Variants in VAV2 observed in about 807,000 individuals in gnomAD.
VAV2 encodes guanine nucleotide exchange factor VAV2.
In VAV2, 67 loss-of-function variants were observed where a neutral mutation model predicts 132.5. The ratio of observed to expected loss-of-function variants is 0.51; its 90% CI spans 0.42 to 0.62. The LOEUF (loss-of-function observed/expected upper bound fraction) is 0.62, where lower values mean the gene tolerates loss of function less well. Among genes scored for constraint, VAV2 ranks in the 20% least tolerant of loss-of-function variants. The pLI is 0.00. For synonymous variants in VAV2, 492 were observed against 443.5 expected (o/e 1.11, Z -1.37); for missense variants, 938 against 1,153.6 (o/e 0.81, Z 2.71).
At chr9:133,793,484 G>C (rs34943444) in intron 12 of VAV2, among the ~76,000 whole-genome samples, 3 of 152,094 alleles carry the variant, frequency 2.0e-5, no homozygotes, top group East Asian at 3.9e-4. Context: ...TTTTCTTGTC[G>C]TTGTCCACTT....
intron 1 of VAV2, among the ~76,000 whole-genome samples, chr9:133,954,986 C>T (rs539807717): frequency 4.3e-4 from 65 of 152,038 alleles, no homozygotes; most frequent in Non-Finnish European, 8.5e-4. Flanking sequence ...CTGCTGTTTG[C>T]GTGCAATGAA....
chr9:133,772,078 C>G (rs773055597), intron 25 of VAV2, 32 bp from the exon 26 acceptor site: 2 of 1,597,016 alleles, frequency 1.3e-6, no homozygotes, highest in Non-Finnish European at 1.7e-6. Flanking sequence ...GCGGTCACCG[C>G]GTGAGGGCCA....
chr9:133,980,972 C>T (rs566057354), intron 1 of VAV2, among the ~76,000 whole-genome samples: 58 of 152,290 alleles, frequency 3.8e-4, no homozygotes, highest in African/African-American at 1.3e-3. Context: ...GGAAGCTCTC[C>T]GCCATCACCC....
At chr9:133,930,833 T>C (rs562735391) in intron 2 of VAV2, among the ~76,000 whole-genome samples, 114 of 152,318 alleles carry the variant, frequency 7.5e-4, no homozygotes, top group African/African-American at 2.7e-3. Context: ...CGTCGCCAGC[T>C]GGCACTTCAG....
At chr9:133,989,263 C>T (rs1260643429) in intron 1 of VAV2, among the ~76,000 whole-genome samples, 3 of 151,020 alleles carry the variant, frequency 2.0e-5, no homozygotes, top group Non-Finnish European at 4.4e-5. Context: ...CGCTTGAACC[C>T]GGGAGGTGGA....
Position 133,807,316 on chromosome 9 carries a change from C to A in VAV2, c.677G>T (p.Ser226Ile), listed in dbSNP as rs1056608217. Residue 226 changes from serine to isoleucine, a missense_variant, in exon 8 of 30, where the codon AGC (serine) becomes ATC (isoleucine). Physicochemically the swap from Ser to Ile is moderately radical, Grantham distance 142 (BLOSUM62 -2). Coordinates refer to ENST00000371850, the MANE Select transcript of VAV2 (RefSeq NM_001134398.2). ...CGGGCTCAGCACCAGCCGCAGGGGGCTCATGTAGTTCTGGAAGAGAGAAGT... is the reference window on the plus strand; with the variant it reads ...CGGGCTCAGCACCAGCCGCAGGGGGATCATGTAGTTCTGGAAGAGAGAAGT... ...TLEDIEKNYM[S>I]PLRLVLSPAD... The A allele has an allele frequency of 1.2e-6, 2 of 1,610,414 alleles. No individual in the cohort carries two copies. Among genetic ancestry groups the A allele is most frequent in the Admixed American group, 1.7e-5 (1 of 59,808 alleles).
chr9:133,962,527 C>A (rs903486629), intron 1 of VAV2, among the ~76,000 whole-genome samples: 3 of 152,096 alleles, frequency 2.0e-5, no homozygotes, highest in African/African-American at 7.2e-5. Flanking sequence ...GGCACCTGGG[C>A]TGCTGCGGGG....
At chr9:133,818,090 C>T (rs549705878) in intron 4 of VAV2, among the ~76,000 whole-genome samples, 40 of 152,248 alleles carry the variant, frequency 2.6e-4, no homozygotes, top group Non-Finnish European at 4.1e-4. Flanking sequence ...GGCGGCCGGG[C>T]GCGGCGGCTC....
intron 16 of VAV2, among the ~76,000 whole-genome samples, chr9:133,786,177 G>C (rs915357689): frequency 5.3e-5 from 8 of 152,236 alleles, no homozygotes; most frequent in Non-Finnish European, 8.8e-5. Flanking sequence ...GTGTGCTCCT[G>C]CGTGCATGGG....
At chr9:133,943,145 G>A (rs1013819255) in intron 1 of VAV2, among the ~76,000 whole-genome samples, 1 of 152,224 alleles carries the variant, frequency 6.6e-6, no homozygotes, top group Non-Finnish European at 1.5e-5. Context: ...GGGCGTGTGG[G>A]CAGGCACCAG....
intron 2 of VAV2, among the ~76,000 whole-genome samples, chr9:133,917,845 G>T (rs185803319): frequency 4.8e-4 from 73 of 152,238 alleles, no homozygotes; most frequent in African/African-American, 1.8e-3. Context: ...ACACCCTCCC[G>T]AGGGAGACCA....
intron 1 of VAV2, among the ~76,000 whole-genome samples, chr9:133,976,100 G>A (rs1034459039): frequency 2.6e-5 from 4 of 152,032 alleles, no homozygotes; most frequent in South Asian, 2.1e-4. Flanking sequence ...CCAGCTACTC[G>A]GGAGGCAGAG....
rs1385771535 is a variant in VAV2, at chr9:133,873,924, C to G, written c.322-12492G>C. Among the ~76,000 whole-genome samples, 3 of 152,348 alleles carry G rather than the reference C, an allele frequency of 2.0e-5. No homozygotes were observed. In the East Asian group the frequency reaches 5.8e-4, roughly 29 times the overall value. On this transcript the variant is annotated intron_variant, in intron 2 of 29. Transcript: ENST00000371850. ...GCCTGAGGCTCGTCTCTCCCAGACA[C>G]GGCGTCCTCCAGGACAGCTAACCAC...
At chr9:133,936,346 A>G (rs943367815) in intron 2 of VAV2, among the ~76,000 whole-genome samples, 14 of 151,014 alleles carry the variant, frequency 9.3e-5, no homozygotes, top group African/African-American at 3.2e-4. Context: ...GGGCTCAAGC[A>G]ACTCTCCTGC....
chr9:133,886,766 G>A (rs529506183), intron 2 of VAV2, among the ~76,000 whole-genome samples: 1 of 152,346 alleles, frequency 6.6e-6, no homozygotes, highest in South Asian at 2.1e-4. Flanking sequence ...TGCACACAGG[G>A]TCAGAGCTCT....
rs10993843 is a variant in VAV2, at chr9:133,896,816, C to A, written c.322-35384G>T. 1.9e-4 allele frequency among the ~76,000 whole-genome samples: 29 copies of A among 152,164 alleles called. No homozygotes were observed. In the South Asian group the frequency reaches 5.2e-3, roughly 27 times the overall value. On this transcript the variant is annotated intron_variant, in intron 2 of 29. Coordinates refer to ENST00000371850, the MANE Select transcript of VAV2 (RefSeq NM_001134398.2). ...AACTTCAAAAAAAAATCCAACCAGGCGGGTACAGTGGCTCACGCCTGTAAT... is the reference window on the plus strand; with the variant it reads ...AACTTCAAAAAAAAATCCAACCAGGAGGGTACAGTGGCTCACGCCTGTAAT...
chr9:133,769,494 G>T lies in VAV2; in HGVS notation c.2357C>A (p.Ala786Asp). 1 of 1,612,166 alleles carries T rather than the reference G, an allele frequency of 6.2e-7. No homozygotes were observed. The highest frequency in any genetic ancestry group is 8.5e-7 in the Non-Finnish European group (1 of 1,179,158). ...RASSRSPASC[A>D]SYNFSFLSPQ... The stretch of plus-strand genomic sequence containing the variant: ...ACTGAGAAAAGAAAAGTTGTAGGAA[G>T]CACAGGAAGCTGCAAAGAGGCGAGA... Residue 786 changes from alanine (A) to aspartate (D), a missense_variant, in exon 28 of 30, where the codon GCT (alanine) becomes GAT (aspartate). Coordinates refer to ENST00000371850, the MANE Select transcript of VAV2 (RefSeq NM_001134398.2). The surrounding 1 kb of genome is among the most constrained non-coding windows in gnomAD (Gnocchi z 8.1).
intron 1 of VAV2, among the ~76,000 whole-genome samples, chr9:133,963,694 G>T (rs892885461): frequency 9.9e-5 from 15 of 152,276 alleles, no homozygotes; most frequent in Admixed American, 9.2e-4. Flanking sequence ...ACTGTCACAC[G>T]TGAAACATGG....
chr9:133,793,162 T>A (rs949779732), intron 12 of VAV2, among the ~76,000 whole-genome samples: 10 of 152,082 alleles, frequency 6.6e-5, no homozygotes, highest in Non-Finnish European at 1.3e-4. Flanking sequence ...GCAATCCTCG[T>A]GCTGGCCACC....
Sources: gnomAD v4.1 joint callset for allele counts (sites outside exome capture counted in the v4.1 genomes callset) on GRCh38, gnomAD v4.1.1 for gene constraint, Gnocchi (gnomAD v3.1) non-coding constraint, MANE v1.5 for transcripts, NCBI Gene and HGNC (gene_info 2026-07-23, HGNC 2026-07-21) for gene names.